Variants in TEX264 observed in about 807,000 individuals in gnomAD.
TEX264 encodes testis expressed 264, ER-phagy receptor.
A neutral mutation model predicts 23.4 loss-of-function variants in TEX264; 13 were observed. That is an observed-to-expected ratio of 0.56 (90% CI 0.36 to 0.88). The LOEUF (loss-of-function observed/expected upper bound fraction) is 0.88, where lower values mean the gene tolerates loss of function less well. Ranked by LOEUF, TEX264 falls within the 40% of genes least tolerant of loss-of-function variation. The pLI, the probability that TEX264 is intolerant of heterozygous loss-of-function variation, is 0.01. For synonymous variants in TEX264, 159 were observed against 170.0 expected, an observed-to-expected ratio of 0.94 and a Z score of 0.50; for missense variants, 340 against 406.8, an observed-to-expected ratio of 0.84 and a Z score of 1.41.
At chr3:51,701,941 A>G (rs906688454) in intron 4 of TEX264, among the ~76,000 whole-genome samples, 6 of 152,150 alleles carry the variant, frequency 3.9e-5, no homozygotes, top group African/African-American at 1.4e-4. Flanking sequence ...CTCCAGCTGA[A>G]TTCCTTTGCT....
chr3:51,698,658 T>C (rs1372654900), intron 3 of TEX264, among the ~76,000 whole-genome samples: 1 of 152,132 alleles, frequency 6.6e-6, no homozygotes, highest in Non-Finnish European at 1.5e-5. Flanking sequence ...ATCAGCCCAC[T>C]GGGTAATGTC....
chr3:51,702,040 C>T (rs1443562078), intron 4 of TEX264, among the ~76,000 whole-genome samples: 1 of 152,160 alleles, frequency 6.6e-6, no homozygotes, highest in Non-Finnish European at 1.5e-5. Flanking sequence ...TTCCTCTGAA[C>T]ATTCCTAGCC....
intron 2 of TEX264, among the ~76,000 whole-genome samples, chr3:51,677,403 T>C (rs547858025): frequency 6.6e-6 from 1 of 152,212 alleles, no homozygotes; most frequent in East Asian, 1.9e-4. Context: ...CGTGGCATGC[T>C]CTGGTTCTCA....
intron 4 of TEX264, among the ~76,000 whole-genome samples, chr3:51,701,773 A>G (rs2107050935): frequency 6.6e-6 from 1 of 152,292 alleles, no homozygotes; most frequent in East Asian, 1.9e-4. Context: ...CTGGGATTAC[A>G]GGTGCCTGCC....
Position 51,704,104 on chromosome 3 carries a change from T to G in TEX264, c.*88T>G. 4 of 1,209,596 alleles carry G rather than the reference T, an allele frequency of 3.3e-6. No individual in the cohort carries two copies. The highest frequency in any genetic ancestry group is 4.3e-6 in the Non-Finnish European group (4 of 940,126). The allele number at this position is 1,209,596 out of a possible 1,614,324, so 74.9% of individuals were successfully genotyped here. The stretch of plus-strand genomic sequence containing the variant: ...TCTCCAGCCCTCTTCCTCCTTCCTC[T>G]GGGGGAGGAGGGGTTCCTGAGGGAC... On this transcript the variant is annotated 3_prime_UTR_variant, in exon 5 of 5. Coordinates refer to ENST00000341333, the MANE Select transcript of TEX264 (RefSeq NM_015926.6).
At position 51,703,940 on chromosome 3, in the gene TEX264, T is replaced by A; in HGVS notation, c.866T>A (p.Leu289Gln). The A allele has an allele frequency of 6.3e-7, 1 of 1,599,824 alleles. No homozygotes were observed. The highest frequency in any genetic ancestry group is 8.5e-7 in the Non-Finnish European group (1 of 1,170,400). Residue 289 changes from leucine (L) to glutamine (Q), a missense_variant, in exon 5 of 5, where the codon CTG (leucine) becomes CAG (glutamine). Leu to Gln is a moderately radical substitution (Grantham distance 113). Transcript: ENST00000341333. The surrounding 1 kb of genome is among the most constrained non-coding windows in gnomAD (Gnocchi z 4.8). ...EGEGPLGESR[L>Q]DPGTEPLGTT... ...GAGGGGCCCTTAGGGGAGTCACGGC[T>A]GGACCCTGGGACTGAGCCCCTGGGG...
intron 3 of TEX264, among the ~76,000 whole-genome samples, chr3:51,695,765 G>T (rs1703032503): frequency 6.6e-6 from 1 of 152,228 alleles, no homozygotes; most frequent in African/African-American, 2.4e-5. Context: ...CACTGTGGCA[G>T]CCTGTGTGAG....
chr3:51,688,705 T>C (rs1177382889), intron 3 of TEX264, among the ~76,000 whole-genome samples: 2 of 152,150 alleles, frequency 1.3e-5, no homozygotes, highest in Non-Finnish European at 2.9e-5. Context: ...TGTCTGACTA[T>C]CCACCATCAA....
chr3:51,699,511 A>C lies in TEX264; in HGVS notation c.586A>C (p.Lys196Gln). ...RQGDFYVPEM[K>Q]ETEWKWRGLV... Reference sequence around the variant, plus strand: ...GGGAGACTTCTATGTGCCTGAGATGAAGGAGACAGAGTGGAAATGGCGGGG... The same window carrying C: ...GGGAGACTTCTATGTGCCTGAGATGCAGGAGACAGAGTGGAAATGGCGGGG... Residue 196 changes from lysine to glutamine, a missense_variant, in exon 4 of 5, where the codon AAG becomes CAG. Lys to Gln is a moderately conservative substitution (Grantham distance 53, BLOSUM62 1). Transcript: ENST00000341333. 6.2e-7 allele frequency: 1 copy of C among 1,614,050 alleles called. No homozygotes were observed. Among genetic ancestry groups the C allele is most frequent in the Non-Finnish European group, 8.5e-7 (1 of 1,179,946 alleles).
chr3:51,700,256 A>AG (rs1016825962), intron 4 of TEX264, among the ~76,000 whole-genome samples: 2 of 152,110 alleles, frequency 1.3e-5, no homozygotes, highest in African/African-American at 4.8e-5. Flanking sequence ...AGATGGTCCC[A>AG]GGGGGCCTTA....
chr3:51,701,953 G>A (rs1703320727), intron 4 of TEX264, among the ~76,000 whole-genome samples: 1 of 152,186 alleles, frequency 6.6e-6, no homozygotes, highest in Non-Finnish European at 1.5e-5. Flanking sequence ...TCCTTTGCTT[G>A]AAGTGTATAT....
chr3:51,693,302 C>T (rs1244519913), intron 3 of TEX264, among the ~76,000 whole-genome samples: 12 of 152,050 alleles, frequency 7.9e-5, no homozygotes, highest in Non-Finnish European at 1.0e-4. Context: ...CACCGTCTCC[C>T]GCCCCATTCT....
chr3:51,702,991 T>G (rs913788032), intron 4 of TEX264, among the ~76,000 whole-genome samples: 3 of 151,926 alleles, frequency 2.0e-5, no homozygotes, highest in African/African-American at 7.2e-5. Context: ...CACCAGTCAT[T>G]GGGGGTGGGG....
rs766489140 is a variant in TEX264, at chr3:51,674,461, C to T, written c.157C>T (p.His53Tyr). Residue 53 changes from histidine (H) to tyrosine (Y), a missense_variant, in exon 2 of 5, where the codon CAC (histidine) becomes TAC (tyrosine). By Grantham distance (83) the His-to-Tyr change is moderately conservative. Coordinates refer to ENST00000341333, the MANE Select transcript of TEX264 (RefSeq NM_015926.6). ...IRNVTVAYKF[H>Y]MGLYGETGRL... is the part of the protein sequence containing the mutation. ...CAACGTCACTGTGGCCTACAAGTTC[C>T]ACATGGGGCTCTATGGTGAGACTGG... 6.8e-6 allele frequency: 11 copies of T among 1,614,218 alleles called. No homozygotes were observed. In the South Asian group the frequency reaches 1.1e-4, roughly 16 times the overall value.
chr3:51,678,430 T>A (rs1243804288), intron 2 of TEX264, among the ~76,000 whole-genome samples: 1 of 152,192 alleles, frequency 6.6e-6, no homozygotes, highest in Non-Finnish European at 1.5e-5. Flanking sequence ...TGCTGCTATG[T>A]TTGGGGCTTA....
Position 51,704,320 on chromosome 3 carries a change from TG to T in TEX264, c.*306del, listed in dbSNP as rs1703447266. ...AAGCCAATGATTTACTTGTTTCACC[TG>T]GATTTGGGTTGTGTATTTGTTTGTT... On this transcript the variant is annotated 3_prime_UTR_variant, in exon 5 of 5. Transcript: ENST00000341333. 3.8e-6 allele frequency: 1 copy of T among 263,446 alleles called. No homozygotes were observed. The allele number at this position is 263,446 out of a possible 1,614,324, so 16.3% of individuals were successfully genotyped here. A position where few individuals can be genotyped will look rare whatever the true frequency, so the allele number is the denominator to read the frequency against.
At chr3:51,674,614 G>A in intron 2 of TEX264, 52 bp downstream of exon 2, 1 of 1,592,928 alleles carries the variant, frequency 6.3e-7, no homozygotes, top group Non-Finnish European at 8.6e-7. Context: ...GTGGGCCAGG[G>A]CTTCTTTGGG....
chr3:51,703,841 A>G lies in TEX264; in HGVS notation c.767A>G (p.Asp256Gly). Reference sequence around the variant, plus strand: ...AGCAGCCGTGGCTGGGATGACGGTGACACCCGCAGCGAGCACAGCTACAGC... The same window carrying G: ...AGCAGCCGTGGCTGGGATGACGGTGGCACCCGCAGCGAGCACAGCTACAGC... The part of the protein sequence containing the change: ...GASSRGWDDG[D>G]TRSEHSYSES... The change falls in exon 5 of 5, where the codon GAC becomes GGC. Residue 256 changes from aspartate (D) to glycine (G), a missense_variant. By Grantham distance (94) the Asp-to-Gly change is moderately conservative (BLOSUM62 -1). Transcript: ENST00000341333. This position sits in a 1 kb window ranked among gnomAD's most constrained non-coding sequence, Gnocchi z 4.8. 1 of 1,612,812 alleles carries G rather than the reference A, an allele frequency of 6.2e-7. No individual in the cohort carries two copies. The highest frequency in any genetic ancestry group is 8.5e-7 in the Non-Finnish European group (1 of 1,179,226).
chr3:51,693,443 C>T (rs905404293), intron 3 of TEX264, among the ~76,000 whole-genome samples: 2 of 152,068 alleles, frequency 1.3e-5, no homozygotes, highest in East Asian at 1.9e-4. Context: ...TCGACCTAAC[C>T]CCAAGAGGGC....
Sources: allele counts gnomAD v4.1 joint callset (sites outside exome capture counted in the v4.1 genomes callset), GRCh38; gene constraint gnomAD v4.1.1; non-coding constraint Gnocchi (gnomAD v3.1); transcripts MANE v1.5; gene names NCBI Gene and HGNC (gene_info 2026-07-23, HGNC 2026-07-21).